The following PDE11A variants were observed in gnomAD, a reference collection of about 807,000 sequenced individuals.
PDE11A encodes the protein dual 3',5'-cyclic-AMP and -GMP phosphodiesterase 11A.
A neutral mutation model predicts 100.5 loss-of-function variants in PDE11A; 100 were observed. That is an observed-to-expected ratio of 1.00 (90% CI 0.85 to 1.18). PDE11A has a LOEUF of 1.18. Ranked by LOEUF, PDE11A falls within the 50% of genes most tolerant of loss-of-function variation. The probability of loss-of-function intolerance (pLI) is 0.00; values close to 1 mark genes in which losing one functional copy is unlikely to be tolerated. For synonymous variants in PDE11A, 381 were observed against 420.8 expected (o/e 0.91, Z 1.16); for missense variants, 1,141 against 1,152.6 (o/e 0.99, Z 0.15).
chr2:177,715,471 C>A lies in PDE11A; in HGVS notation c.2044-3593G>T, dbSNP rs113533783. Among the ~76,000 whole-genome samples the A allele has an allele frequency of 5.3e-5, 7 of 132,244 alleles. No homozygotes were observed. The South Asian group carries it at 1.3e-3, about 24-fold the overall frequency. The allele number at this position is 132,244 out of a possible 152,430, so 86.8% of individuals were successfully genotyped here. A position where few individuals can be genotyped will look rare whatever the true frequency, so the allele number is the denominator to read the frequency against. On this transcript the variant is annotated intron_variant, in intron 12 of 19. Coordinates refer to ENST00000286063, the MANE Select transcript of PDE11A (RefSeq NM_016953.4). ...AAATTTACTAATCTTTTTTTCTTTT[C>A]TTTTTTTTTTAAAATAATTTTCTCT... is the stretch of plus-strand genomic sequence containing the variant.
intron 9 of PDE11A, among the ~76,000 whole-genome samples, chr2:177,802,419 G>A (rs1299675613): frequency 6.6e-6 from 1 of 152,042 alleles, no homozygotes; most frequent in African/African-American, 2.4e-5. Flanking sequence ...GTTCATAGCA[G>A]CTTTATTCAC....
At chr2:177,895,418 G>A (rs771738520) in intron 4 of PDE11A, among the ~76,000 whole-genome samples, 25 of 152,128 alleles carry the variant, frequency 1.6e-4, no homozygotes, top group African/African-American at 4.6e-4. Flanking sequence ...GCTGGGTATC[G>A]TGGTGGGTGC....
At chr2:177,748,635 T>G (rs1232114883) in intron 10 of PDE11A, among the ~76,000 whole-genome samples, 2 of 55,992 alleles carry the variant, frequency 3.6e-5, no homozygotes, top group African/African-American at 7.5e-5. Context: ...GAGACAGCAG[T>G]TTTTTTTTTT....
intron 10 of PDE11A, among the ~76,000 whole-genome samples, chr2:177,749,861 A>C (rs1187106672): frequency 4.6e-5 from 7 of 152,200 alleles, no homozygotes; most frequent in African/African-American, 1.4e-4. Context: ...TGGAAAAATG[A>C]CATTGTTGGA....
intron 4 of PDE11A, among the ~76,000 whole-genome samples, chr2:177,887,014 C>T (rs2084445305): frequency 6.6e-6 from 1 of 152,092 alleles, no homozygotes; most frequent in Non-Finnish European, 1.5e-5. Flanking sequence ...AAACAGGTGA[C>T]CCAGCTTCAC....
At chr2:177,942,698 C>T (rs918179288) in intron 2 of PDE11A, among the ~76,000 whole-genome samples, 3 of 152,026 alleles carry the variant, frequency 2.0e-5, no homozygotes, top group Admixed American at 1.3e-4. Flanking sequence ...CCACCGCACC[C>T]GGCTAAATTT....
At chr2:178,036,796 T>C (rs1559049934) in intron 1 of PDE11A, among the ~76,000 whole-genome samples, 1 of 152,202 alleles carries the variant, frequency 6.6e-6, no homozygotes, top group Middle Eastern at 3.4e-3. Flanking sequence ...TAATAAATGG[T>C]GCTGGGAAAA....
chr2:178,034,241 G>T (rs1470556586), intron 1 of PDE11A, among the ~76,000 whole-genome samples: 1 of 152,128 alleles, frequency 6.6e-6, no homozygotes, highest in African/African-American at 2.4e-5. Context: ...AGCAGGGGTT[G>T]CAATCCTAGT....
At chr2:178,088,505 T>C (rs766390477) in intron 2 of PDE11A, among the ~76,000 whole-genome samples, 5 of 152,244 alleles carry the variant, frequency 3.3e-5, no homozygotes, top group Non-Finnish European at 7.3e-5. Flanking sequence ...TCTAACAATG[T>C]TCCACTGCTT....
chr2:177,943,727 A>G (rs1460041416), intron 2 of PDE11A, among the ~76,000 whole-genome samples: 1 of 152,052 alleles, frequency 6.6e-6, no homozygotes, highest in East Asian at 1.9e-4. Context: ...GAAGTTTTTG[A>G]GTGTGATATA....
At chr2:177,789,651 G>T (rs1382572701) in intron 9 of PDE11A, among the ~76,000 whole-genome samples, 1 of 152,004 alleles carries the variant, frequency 6.6e-6, no homozygotes, top group Non-Finnish European at 1.5e-5. Context: ...CATTGTCTCA[G>T]CCCAAAATCT....
intron 1 of PDE11A, among the ~76,000 whole-genome samples, chr2:178,016,747 T>G (rs1291614841): frequency 2.6e-5 from 4 of 152,144 alleles, no homozygotes; most frequent in Non-Finnish European, 5.9e-5. Flanking sequence ...TCCAGGAAGA[T>G]GAACCAATAC....
intron 4 of PDE11A, among the ~76,000 whole-genome samples, chr2:177,884,513 A>T (rs1558990887): frequency 6.6e-6 from 1 of 152,216 alleles, no homozygotes; most frequent in Non-Finnish European, 1.5e-5. Context: ...AGGCTAGTAC[A>T]TGCTTAGGCT....
chr2:178,078,370 T>G lies in PDE11A; in HGVS notation c.162+25932A>C, dbSNP rs13397357. ...CAACCCAACACGATGCATTTAATTC[T>G]CCATTTAAAAAACATTTAACATTAA... On this transcript the variant is annotated intron_variant, in intron 2 of 20. Transcript: ENST00000358450. 9.8e-3 allele frequency among the ~76,000 whole-genome samples: 1,494 copies of G among 152,258 alleles called. 21 individuals are homozygous for G. The highest frequency in any genetic ancestry group is 0.034 in the African/African-American group (1,423 of 41,536).
At chr2:177,956,458 G>A (rs1272360939) in intron 2 of PDE11A, among the ~76,000 whole-genome samples, 1 of 152,184 alleles carries the variant, frequency 6.6e-6, no homozygotes, top group Non-Finnish European at 1.5e-5. Context: ...TTACACTGTT[G>A]GTGGGACTGT....
At chr2:177,893,776 T>C (rs1413090773) in intron 4 of PDE11A, among the ~76,000 whole-genome samples, 1 of 152,206 alleles carries the variant, frequency 6.6e-6, no homozygotes, top group Non-Finnish European at 1.5e-5. Flanking sequence ...TGTTCATTGA[T>C]AATAATAAGG....
At chr2:178,024,799 C>G (rs946962615) in intron 1 of PDE11A, among the ~76,000 whole-genome samples, 40 of 152,282 alleles carry the variant, frequency 2.6e-4, no homozygotes, top group African/African-American at 8.7e-4. Context: ...TCATTTAATT[C>G]CAATTCATAA....
chr2:177,890,188 T>A (rs772551789), intron 4 of PDE11A, among the ~76,000 whole-genome samples: 1 of 152,176 alleles, frequency 6.6e-6, no homozygotes, highest in Non-Finnish European at 1.5e-5. Context: ...CCTTCAAATA[T>A]CTTCATCTGG....
chr2:177,736,621 T>C lies in PDE11A; in HGVS notation c.1789-8449A>G, dbSNP rs149935775. Among the ~76,000 whole-genome samples, 327 of 152,076 alleles carry C rather than the reference T, an allele frequency of 2.2e-3. 1 individual carries two copies. The highest frequency in any genetic ancestry group is 0.01 in the Middle Eastern group (3 of 294). ...GGGAAGGAGACAGCCCCTGGGAGCA[T>C]GGCTGCTGATCCTTGTGCATTTACC... On this transcript the variant is annotated intron_variant, in intron 10 of 19. Coordinates refer to ENST00000286063, the MANE Select transcript of PDE11A (RefSeq NM_016953.4).
Sources: gnomAD v4.1 joint callset for allele counts (sites outside exome capture counted in the v4.1 genomes callset) on GRCh38, gnomAD v4.1.1 for gene constraint, MANE v1.5 for transcripts, NCBI Gene and HGNC (gene_info 2026-07-23, HGNC 2026-07-21) for gene names.